The following PLCB1 variants were observed in gnomAD, a reference collection of about 807,000 sequenced individuals.
PLCB1 encodes 1-phosphatidylinositol 4,5-bisphosphate phosphodiesterase beta-1.
In PLCB1, 46 loss-of-function variants were observed where a neutral mutation model predicts 161.8. The observed-to-expected ratio is 0.28, with a 90% CI of 0.22 to 0.36. The LOEUF (loss-of-function observed/expected upper bound fraction) is 0.36. Ranked by LOEUF, PLCB1 falls within the 10% of genes least tolerant of loss-of-function variation. The pLI is 1.00. For missense variants in PLCB1, 1,016 were observed against 1,472.5 expected, an observed-to-expected ratio of 0.69 and a Z score of 5.07; for synonymous variants, 517 against 503.7, an observed-to-expected ratio of 1.03 and a Z score of -0.35.
At chr20:8,750,672 G>C (rs1385272655) in intron 23 of PLCB1, 2 of 377,964 alleles carry the variant, frequency 5.3e-6, no homozygotes, top group Non-Finnish European at 1.0e-5. Flanking sequence ...ATATGAGGCA[G>C]ATACATTATC....
At chr20:8,874,700 A>G (rs1226626274) in intron 31 of PLCB1, among the ~76,000 whole-genome samples, 1 of 152,010 alleles carries the variant, frequency 6.6e-6, no homozygotes, top group African/African-American at 2.4e-5. Context: ...AAAACATTGA[A>G]ATTAAGGTAG....
chr20:8,840,555 C>G (rs1181416852), intron 31 of PLCB1, among the ~76,000 whole-genome samples: 1 of 152,172 alleles, frequency 6.6e-6, no homozygotes, highest in Non-Finnish European at 1.5e-5. Flanking sequence ...AGCAAATGGT[C>G]TCAGAACAAG....
intron 31 of PLCB1, among the ~76,000 whole-genome samples, chr20:8,860,861 A>C (rs991378668): frequency 1.3e-5 from 2 of 152,192 alleles, no homozygotes; most frequent in Admixed American, 1.3e-4. Flanking sequence ...AATTTCAATC[A>C]GTTTTTTGAC....
At chr20:8,593,445 T>C (rs1163110813) in intron 3 of PLCB1, among the ~76,000 whole-genome samples, 1 of 152,048 alleles carries the variant, frequency 6.6e-6, no homozygotes, top group Non-Finnish European at 1.5e-5. Context: ...TCTCCTGACT[T>C]AGTCTCTCAA....
At chr20:8,266,071 A>G (rs993221747) in intron 2 of PLCB1, among the ~76,000 whole-genome samples, 1 of 152,104 alleles carries the variant, frequency 6.6e-6, no homozygotes, top group Non-Finnish European at 1.5e-5. Flanking sequence ...TTTTCAGTCG[A>G]TGTCAGTGTT....
chr20:8,565,580 G>A (rs1391558479), intron 3 of PLCB1, among the ~76,000 whole-genome samples: 1 of 151,630 alleles, frequency 6.6e-6, no homozygotes, highest in Non-Finnish European at 1.5e-5. Flanking sequence ...AAGAAAGTGG[G>A]TCTGAATAGG....
intron 3 of PLCB1, among the ~76,000 whole-genome samples, chr20:8,379,108 C>T (rs143276627): frequency 1.3e-5 from 2 of 152,182 alleles, no homozygotes; most frequent in Middle Eastern, 6.8e-3. Context: ...TCACCTCCCC[C>T]ACCCCCCAAC....
chr20:8,871,766 G>A (rs1987617380), intron 31 of PLCB1, among the ~76,000 whole-genome samples: 1 of 152,124 alleles, frequency 6.6e-6, no homozygotes, highest in African/African-American at 2.4e-5. Context: ...AAAGAACAAG[G>A]ACTGGTTCAT....
In PLCB1 at chr20:8,831,912, C is replaced by CTTTCTTTCTT. The variant is rs1322579258; in HGVS notation, c.3423+41652_3423+41653insTTCTTTCTTT. On this transcript the variant is annotated intron_variant, in intron 31 of 31. Coordinates refer to ENST00000338037, the MANE Select transcript of PLCB1 (RefSeq NM_015192.4). ...TCTTTCTTTCTCCCTCTCTTTCTTT[C>CTTTCTTTCTT]TCTTTCTTTCTTTCTTTCTTTCTTT... 1.9e-4 allele frequency among the ~76,000 whole-genome samples: 11 copies of CTTTCTTTCTT among 58,572 alleles called. 1 individual carries two copies. Among genetic ancestry groups the CTTTCTTTCTT allele is most frequent in the East Asian group, 1.2e-3 (2 of 1,698 alleles). 38.4% of individuals were successfully genotyped at this position (58,572 alleles called of 152,430 possible). A position where few individuals can be genotyped will look rare whatever the true frequency, so the allele number is the denominator to read the frequency against.
At chr20:8,215,534 G>A (rs963584827) in intron 2 of PLCB1, among the ~76,000 whole-genome samples, 13 of 151,914 alleles carry the variant, frequency 8.6e-5, no homozygotes, top group Non-Finnish European at 1.8e-4. Flanking sequence ...CTGACATTTC[G>A]CAGCCCCCGT....
intron 2 of PLCB1, among the ~76,000 whole-genome samples, chr20:8,365,058 A>G (rs1986662859): frequency 6.6e-6 from 1 of 152,306 alleles, no homozygotes; most frequent in South Asian, 2.1e-4. Flanking sequence ...TCTTGCAAGC[A>G]TAAGAATTTC....
intron 3 of PLCB1, among the ~76,000 whole-genome samples, chr20:8,625,940 GGCTGAGGTAGGTGCATTA>G (rs1988328285): frequency 6.6e-6 from 1 of 152,096 alleles, no homozygotes; most frequent in Non-Finnish European, 1.5e-5. Flanking sequence ...CACTTTGGGA[GGCTGAGGTAGGTGCATTA>G]GCTGAGGTCA....
rs780495932 is a variant in PLCB1 at position 8,684,887 on chromosome 20, C to T, written c.863-45C>T. ...AAAAAAAAAGAGGCGACTTGACACC[C>T]ATAAAAGAATGCATTCACATCCTTT... On this transcript the variant is annotated intron_variant, in intron 9 of 31. Transcript: ENST00000338037. The T allele has an allele frequency of 4.6e-6, 7 of 1,516,004 alleles. No individual in the cohort carries two copies. In the East Asian group the frequency reaches 1.1e-4, roughly 25 times the overall value. 93.9% of individuals were successfully genotyped at this position (1,516,004 alleles called of 1,614,324 possible). A position where few individuals can be genotyped will look rare whatever the true frequency, so the allele number is the denominator to read the frequency against.
intron 3 of PLCB1, among the ~76,000 whole-genome samples, chr20:8,477,549 A>T (rs1277066947): frequency 6.6e-6 from 1 of 152,340 alleles, no homozygotes; most frequent in East Asian, 1.9e-4. Context: ...TTAGAAATTT[A>T]GTAATTTAGA....
chr20:8,393,289 AT>A (rs899713058), intron 3 of PLCB1, among the ~76,000 whole-genome samples: 22 of 151,532 alleles, frequency 1.5e-4, no homozygotes, highest in Non-Finnish European at 2.1e-4. Context: ...CAGTTATTGT[AT>A]TTTTTTTTCC....
intron 2 of PLCB1, among the ~76,000 whole-genome samples, chr20:8,353,437 C>G (rs754696427): frequency 2.0e-5 from 3 of 152,002 alleles, no homozygotes; most frequent in Non-Finnish European, 2.9e-5. Flanking sequence ...CACATAGCAA[C>G]TTCCTGCAAA....
chr20:8,375,452 GATAA>G (rs1391884300), intron 3 of PLCB1, among the ~76,000 whole-genome samples: 1 of 152,150 alleles, frequency 6.6e-6, no homozygotes, highest in Non-Finnish European at 1.5e-5. Context: ...AAATAAACTT[GATAA>G]GAGTGGAAAA....
chr20:8,673,942 C>A (rs887992765), intron 9 of PLCB1, among the ~76,000 whole-genome samples: 1 of 152,102 alleles, frequency 6.6e-6, no homozygotes, highest in Non-Finnish European at 1.5e-5. Flanking sequence ...GCTGCCAGAG[C>A]CCCCTCTTCC....
chr20:8,424,209 C>T (rs1979650975), intron 3 of PLCB1, among the ~76,000 whole-genome samples: 4 of 151,988 alleles, frequency 2.6e-5, no homozygotes, highest in Admixed American at 2.6e-4. Context: ...CCATGAGTTA[C>T]GAGATAAGCC....
Sources: allele counts gnomAD v4.1 joint callset (sites outside exome capture counted in the v4.1 genomes callset), GRCh38; gene constraint gnomAD v4.1.1; transcripts MANE v1.5; gene names NCBI Gene and HGNC (gene_info 2026-07-23, HGNC 2026-07-21).